ST6GALNAC3: variants seen among roughly 807,000 people sequenced by gnomAD.
The protein encoded by ST6GALNAC3 is ST6 N-acetylgalactosaminide alpha-2,6-sialyltransferase 3, also known as alpha-N-acetylgalactosaminide alpha-2,6-sialyltransferase 3.
A neutral mutation model predicts 32.7 loss-of-function variants in ST6GALNAC3; 25 were observed. The ratio of observed to expected loss-of-function variants is 0.76; its 90% CI spans 0.56 to 1.07. ST6GALNAC3 has a LOEUF of 1.07. ST6GALNAC3 is among the 50% of genes least tolerant of loss of function. ST6GALNAC3 has a pLI of 0.00. For missense variants in ST6GALNAC3, 355 were observed against 382.4 expected (o/e 0.93, Z 0.60); for synonymous variants, 129 against 133.1 (o/e 0.97, Z 0.21).
intron 3 of ST6GALNAC3, among the ~76,000 whole-genome samples, chr1:76,605,861 TAAAAAAAAAAAAA>T (rs1159864958): frequency 1.7e-5 from 1 of 58,920 alleles, no homozygotes; most frequent in Non-Finnish European, 2.8e-5. Flanking sequence ...GGAGACTCCA[TAAAAAAAAAAAAA>T]AAAAAAAAAA....
At chr1:76,402,173 T>C (rs1323032385) in intron 2 of ST6GALNAC3, among the ~76,000 whole-genome samples, 2 of 152,210 alleles carry the variant, frequency 1.3e-5, no homozygotes, top group African/African-American at 2.4e-5. Flanking sequence ...CTTTGGGTTT[T>C]CATTTTGAAA....
chr1:76,388,560 A>G (rs1185628896), intron 2 of ST6GALNAC3, among the ~76,000 whole-genome samples: 1 of 152,180 alleles, frequency 6.6e-6, no homozygotes, highest in South Asian at 2.1e-4. Context: ...AGTTGTTACT[A>G]TGGAAAGGAC....
chr1:76,328,457 C>G (rs538980496), intron 2 of ST6GALNAC3, among the ~76,000 whole-genome samples: 1 of 152,240 alleles, frequency 6.6e-6, no homozygotes, highest in African/African-American at 2.4e-5. Flanking sequence ...ACAACACCAC[C>G]ATTTTTGCCA....
chr1:76,119,356 G>A (rs993601716), intron 1 of ST6GALNAC3, among the ~76,000 whole-genome samples: 2 of 152,208 alleles, frequency 1.3e-5, no homozygotes, highest in Non-Finnish European at 2.9e-5. Context: ...TGATTGTTAA[G>A]TCCTTTAATG....
At chr1:76,079,184 G>T (rs1557595042) in intron 1 of ST6GALNAC3, among the ~76,000 whole-genome samples, 1 of 152,202 alleles carries the variant, frequency 6.6e-6, no homozygotes, top group Non-Finnish European at 1.5e-5. Context: ...AGATTACAGG[G>T]AAGATCTCGT....
Position 76,519,555 on chromosome 1 carries a change from A to T in ST6GALNAC3, c.623+107138A>T, listed in dbSNP as rs143440698. Among the ~76,000 whole-genome samples, 828 of 152,264 alleles carry T rather than the reference A, an allele frequency of 5.4e-3. 7 individuals carry two copies. Among genetic ancestry groups the T allele is most frequent in the African/African-American group, 0.019 (778 of 41,538 alleles). ...TTTAATTAATTTAAACTTAAATGTA[A>T]ATAGCCATGTGTAGCTAGTGATTAG... On this transcript the variant is annotated intron_variant, in intron 3 of 4. Coordinates refer to ENST00000328299, the MANE Select transcript of ST6GALNAC3 (RefSeq NM_152996.4).
At chr1:76,242,380 G>A (rs953612566) in intron 1 of ST6GALNAC3, among the ~76,000 whole-genome samples, 2 of 151,968 alleles carry the variant, frequency 1.3e-5, no homozygotes, top group Non-Finnish European at 2.9e-5. Context: ...AGTGCATCAC[G>A]TCTGTAACAG....
intron 1 of ST6GALNAC3, 97 bp downstream of exon 1, chr1:76,074,981 A>G: frequency 2.8e-6 from 4 of 1,447,850 alleles, no homozygotes; most frequent in Admixed American, 4.1e-5. Flanking sequence ...TCCTCATCTC[A>G]GTTGTCTTTT....
intron 1 of ST6GALNAC3, among the ~76,000 whole-genome samples, chr1:76,224,873 C>T (rs746130836): frequency 2.6e-5 from 4 of 152,074 alleles, no homozygotes; most frequent in African/African-American, 9.7e-5. Context: ...TGTGGTCCCC[C>T]GGAGATTTAG....
At chr1:76,355,364 T>A (rs1649351459) in intron 2 of ST6GALNAC3, among the ~76,000 whole-genome samples, 1 of 152,216 alleles carries the variant, frequency 6.6e-6, no homozygotes, top group South Asian at 2.1e-4. Context: ...GTATTTCCTT[T>A]CAGTTCTTTT....
chr1:76,495,990 C>T (rs1660824736), intron 3 of ST6GALNAC3, among the ~76,000 whole-genome samples: 1 of 152,106 alleles, frequency 6.6e-6, no homozygotes, highest in African/African-American at 2.4e-5. Context: ...CTTTGGTTTC[C>T]TCATTTGAAA....
intron 1 of ST6GALNAC3, among the ~76,000 whole-genome samples, chr1:76,141,276 G>C (rs565394123): frequency 1.3e-5 from 2 of 152,274 alleles, no homozygotes; most frequent in African/African-American, 4.8e-5. Flanking sequence ...TCCATTTCCA[G>C]AAAAGAGAGG....
intron 3 of ST6GALNAC3, among the ~76,000 whole-genome samples, chr1:76,556,068 A>T (rs752403975): frequency 2.6e-5 from 4 of 152,048 alleles, no homozygotes; most frequent in Non-Finnish European, 4.4e-5. Flanking sequence ...GCAGCCACTA[A>T]TCTGCTGTCT....
intron 3 of ST6GALNAC3, among the ~76,000 whole-genome samples, chr1:76,515,084 C>T (rs1220137925): frequency 6.6e-6 from 1 of 152,092 alleles, no homozygotes. Context: ...GTGTGACAAG[C>T]ATCAGTATTG....
Position 76,497,318 on chromosome 1 carries a change from G to A in ST6GALNAC3, c.623+84901G>A, listed in dbSNP as rs571004450. Among the ~76,000 whole-genome samples, 3 of 152,276 alleles carry A rather than the reference G, an allele frequency of 2.0e-5. No individual in the cohort carries two copies. In the East Asian group the frequency reaches 5.8e-4, roughly 29 times the overall value. On this transcript the variant is annotated intron_variant, in intron 3 of 4. Transcript: ENST00000328299. ...CACCTACCCCTCTTAGTCTTGGGGA[G>A]CCTTCCCAATCTACTGCTCCACAAA...
chr1:76,504,268 AATT>A (rs1661343296), intron 3 of ST6GALNAC3, among the ~76,000 whole-genome samples: 1 of 152,070 alleles, frequency 6.6e-6, no homozygotes, highest in Non-Finnish European at 1.5e-5. Context: ...CTTCACATGG[AATT>A]TCCCTGTGTG....
chr1:76,576,849 A>G (rs368319900), intron 3 of ST6GALNAC3: 11 of 1,304,932 alleles, frequency 8.4e-6, no homozygotes, highest in Non-Finnish European at 1.1e-5. Context: ...TATCCAGTAC[A>G]GAGTGACCAT....
chr1:76,407,423 A>C (rs916014030), intron 2 of ST6GALNAC3, among the ~76,000 whole-genome samples: 4 of 152,060 alleles, frequency 2.6e-5, no homozygotes, highest in Non-Finnish European at 5.9e-5. Context: ...AGAGGAAAAA[A>C]ATAGCCAAAA....
intron 3 of ST6GALNAC3, among the ~76,000 whole-genome samples, chr1:76,607,017 A>G (rs1647601209): frequency 6.6e-6 from 1 of 152,164 alleles, no homozygotes; most frequent in Non-Finnish European, 1.5e-5. Context: ...CCAGTTGCAG[A>G]CCTGGGCCTC....
Sources: gnomAD v4.1 joint callset for allele counts (sites outside exome capture counted in the v4.1 genomes callset) on GRCh38, gnomAD v4.1.1 for gene constraint, MANE v1.5 for transcripts, NCBI Gene and HGNC (gene_info 2026-07-23, HGNC 2026-07-21) for gene names.